The following HIP1 variants were observed in gnomAD, a reference collection of about 807,000 sequenced individuals.
HIP1 encodes the protein huntingtin interacting protein 1, also known as huntingtin-interacting protein 1.
HIP1 carries 65 observed loss-of-function variants against 147.6 expected under a neutral mutation model. The ratio of observed to expected loss-of-function variants is 0.44; its 90% CI spans 0.36 to 0.54. The LOEUF (loss-of-function observed/expected upper bound fraction) is 0.54. HIP1 is among the 20% of genes least tolerant of loss of function. The probability of loss-of-function intolerance (pLI) is 0.00; values close to 1 mark genes in which losing one functional copy is unlikely to be tolerated. For missense variants in HIP1, 1,061 were observed against 1,299.6 expected (o/e 0.82, Z 2.82); for synonymous variants, 479 against 504.0 (o/e 0.95, Z 0.67).
intron 1 of HIP1, among the ~76,000 whole-genome samples, chr7:75,699,688 C>G (rs1362660310): frequency 1.3e-5 from 2 of 152,186 alleles, no homozygotes; most frequent in East Asian, 3.8e-4. Context: ...TTCCCCTCAG[C>G]CACACCCTCC....
In HIP1 at chr7:75,688,598, G is replaced by A. The variant is rs191896974; in HGVS notation, c.120+50203C>T. On this transcript the variant is annotated intron_variant, in intron 1 of 30. Transcript: ENST00000336926. ...GGCCCCCCACGCACACCCTCCACCC[G>A]CCGTCCGGGTCTGGCCCCGAGCCCA... Among the ~76,000 whole-genome samples the A allele has an allele frequency of 7.5e-3, 1,137 of 152,082 alleles. 20 individuals are homozygous for A. The highest frequency in any genetic ancestry group is 0.026 in the African/African-American group (1,066 of 41,492).
intron 1 of HIP1, among the ~76,000 whole-genome samples, chr7:75,703,655 C>A (rs1179519185): frequency 7.3e-5 from 11 of 151,622 alleles, no homozygotes; most frequent in Admixed American, 7.2e-4. Context: ...ACAAAAAAGC[C>A]AAATATATAG....
chr7:75,699,242 T>C (rs532786894), intron 1 of HIP1, among the ~76,000 whole-genome samples: 2 of 152,160 alleles, frequency 1.3e-5, no homozygotes, highest in South Asian at 4.2e-4. Flanking sequence ...TTTCAAAGAT[T>C]CTTACAAAGA....
chr7:75,613,196 T>A (rs1349915183), intron 1 of HIP1, among the ~76,000 whole-genome samples: 1 of 151,998 alleles, frequency 6.6e-6, no homozygotes, highest in Non-Finnish European at 1.5e-5. Flanking sequence ...TAGCTCAGGT[T>A]AACAGCTGGG....
At chr7:75,692,131 G>A (rs558651446) in intron 1 of HIP1, among the ~76,000 whole-genome samples, 2 of 152,004 alleles carry the variant, frequency 1.3e-5, no homozygotes, top group Non-Finnish European at 2.9e-5. Flanking sequence ...TCCAGTTTCC[G>A]TTGTCTCCCC....
chr7:75,630,835 C>T (rs953322854), intron 1 of HIP1, among the ~76,000 whole-genome samples: 9 of 152,184 alleles, frequency 5.9e-5, no homozygotes, highest in Non-Finnish European at 7.4e-5. Flanking sequence ...AGAAGCAATG[C>T]TCCCCTCTTT....
chr7:75,736,245 T>C (rs1218641677), intron 1 of HIP1, among the ~76,000 whole-genome samples: 2 of 147,462 alleles, frequency 1.4e-5, no homozygotes, highest in African/African-American at 2.5e-5. Context: ...CGTCCCTGGA[T>C]AGCAGGGAAA....
intron 2 of HIP1, among the ~76,000 whole-genome samples, chr7:75,595,250 T>TCA (rs1554501682): frequency 9.8e-6 from 1 of 101,692 alleles, no homozygotes; most frequent in Non-Finnish European, 2.0e-5. Flanking sequence ...CTTTCTTTCT[T>TCA]TCTTCCTTCC....
intron 1 of HIP1, among the ~76,000 whole-genome samples, chr7:75,655,186 T>C (rs915166181): frequency 3.3e-5 from 5 of 152,216 alleles, no homozygotes; most frequent in Non-Finnish European, 5.9e-5. Flanking sequence ...AAATGTGGTC[T>C]ATCCACACCA....
At position 75,553,574 on chromosome 7, in the gene HIP1, C is replaced by T. The variant is rs375509263; in HGVS notation, c.2174G>A (p.Cys725Tyr). Residue 725 changes from cysteine (C) to tyrosine (Y), a missense_variant, in exon 22 of 31, where the codon TGT becomes TAT. Physicochemically the swap from Cys to Tyr is radical, Grantham distance 194. Transcript: ENST00000336926. ...GAGGGTTTCCCTGCCATACTGCTTACAGGCCTCGGTCAGTGCTGGAGATAC... is the reference window on the plus strand; with the variant it reads ...GAGGGTTTCCCTGCCATACTGCTTATAGGCCTCGGTCAGTGCTGGAGATAC... ...PEPADSLTEACKQYGRETLAY... is the reference protein window; with the variant it reads ...PEPADSLTEAYKQYGRETLAY... The T allele has an allele frequency of 8.7e-6, 14 of 1,613,812 alleles. No homozygotes were observed. The highest frequency in any genetic ancestry group is 2.2e-5 in the East Asian group (1 of 44,882).
intron 1 of HIP1, among the ~76,000 whole-genome samples, chr7:75,681,516 T>G (rs1800068751): frequency 1.5e-5 from 2 of 133,022 alleles, no homozygotes; most frequent in East Asian, 2.4e-4. Context: ...TTTTTTTTTT[T>G]TTTTTTTTGA....
intron 22 of HIP1, among the ~76,000 whole-genome samples, chr7:75,552,516 A>AT (rs1563196790): frequency 4.2e-5 from 5 of 118,752 alleles, no homozygotes; most frequent in African/African-American, 2.6e-4. Context: ...CACCTGTCTA[A>AT]TTAAAAAAAA....
In HIP1 at chr7:75,726,571, A is replaced by G. The variant is rs561911924; in HGVS notation, c.120+12230T>C. On this transcript the variant is annotated intron_variant, in intron 1 of 30. Transcript: ENST00000336926. ...AGTGCTGGGATTACAGGCATGAGCCACCATGCCTGGCCGGGCATTTTTATC... is the reference window on the plus strand; with the variant it reads ...AGTGCTGGGATTACAGGCATGAGCCGCCATGCCTGGCCGGGCATTTTTATC... Among the ~76,000 whole-genome samples the G allele has an allele frequency of 5.9e-5, 9 of 152,246 alleles. No individual in the cohort carries two copies. In the South Asian group the frequency reaches 1.7e-3, roughly 28 times the overall value.
chr7:75,559,793 G>T lies in HIP1; in HGVS notation c.1314C>A (p.Asp438Glu). 6.2e-7 allele frequency: 1 copy of T among 1,609,144 alleles called. No individual in the cohort carries two copies. Among genetic ancestry groups the T allele is most frequent in the East Asian group, 2.2e-5 (1 of 44,644 alleles). Residue 438 changes from aspartate to glutamate, a missense_variant, in exon 14 of 31, where the codon GAC (aspartate) becomes GAA (glutamate). Around this residue, in one of 3 missense-constraint regions of HIP1, gnomAD observed 810 missense variants for 946.8 expected, o/e 0.86. Coordinates refer to ENST00000336926, the MANE Select transcript of HIP1 (RefSeq NM_005338.7). ...TGTCCTCCCGCTGCCTCCTGAGCTC[G>T]TCCAGTTCTGCCCGCAGGAATTCAC... ...DDCEFLRAEL[D>E]ELRRQREDTE...
At chr7:75,542,616 G>A (rs1229502167) in intron 28 of HIP1, among the ~76,000 whole-genome samples, 5 of 151,512 alleles carry the variant, frequency 3.3e-5, no homozygotes, top group African/African-American at 1.2e-4. Context: ...GGAGAATCGT[G>A]TGAACCAGGG....
chr7:75,592,476 T>C lies in HIP1; in HGVS notation c.223A>G (p.Thr75Ala), dbSNP rs1563227804. ...AGGCGGTTGACAACAGACCAGAAGG[T>C]CTGTGCCCCTTTCTCATGGTGGGTG... is the stretch of plus-strand genomic sequence containing the variant. ...LGTHHEKGAQTFWSVVNRLPL... is the reference protein window; with the variant it reads ...LGTHHEKGAQAFWSVVNRLPL... The change falls in exon 3 of 31, where the codon ACC (threonine) becomes GCC (alanine). Residue 75 changes from threonine to alanine, a missense_variant. Around this residue, in one of 3 missense-constraint regions of HIP1, gnomAD observed 225 missense variants for 292.9 expected, o/e 0.77. Transcript: ENST00000336926. The C allele has an allele frequency of 1.2e-6, 2 of 1,610,830 alleles. No homozygotes were observed. Among genetic ancestry groups the C allele is most frequent in the Non-Finnish European group, 8.5e-7 (1 of 1,179,322 alleles).
intron 5 of HIP1, among the ~76,000 whole-genome samples, chr7:75,586,250 G>A (rs1388630594): frequency 6.6e-6 from 1 of 150,586 alleles, no homozygotes; most frequent in Non-Finnish European, 1.5e-5. Flanking sequence ...AGGCTGGAGT[G>A]CAGTGGCATG....
At chr7:75,651,212 C>G (rs1798970712) in intron 1 of HIP1, among the ~76,000 whole-genome samples, 3 of 151,924 alleles carry the variant, frequency 2.0e-5, no homozygotes, top group Non-Finnish European at 4.4e-5. Context: ...GTAATCCCAG[C>G]ACTTTGGGAG....
chr7:75,586,979 T>C, intron 4 of HIP1, 146 bp from the exon 5 acceptor site: 1 of 625,204 alleles, frequency 1.6e-6, no homozygotes, highest in Non-Finnish European at 2.9e-6. Flanking sequence ...CTAGCTCTGT[T>C]GCCCAGGCTG....
Sources: allele counts gnomAD v4.1 joint callset (sites outside exome capture counted in the v4.1 genomes callset), GRCh38; gene constraint gnomAD v4.1.1; regional missense constraint gnomAD v4.1.1; transcripts MANE v1.5; gene names NCBI Gene and HGNC (gene_info 2026-07-23, HGNC 2026-07-21).